BICRAL: variants seen among roughly 807,000 people sequenced by gnomAD.
BICRAL encodes the protein BRD4-interacting chromatin-remodeling complex-associated protein-like.
In BICRAL, 8 loss-of-function variants were observed where a neutral mutation model predicts 91.8. The ratio of observed to expected loss-of-function variants is 0.09; its 90% CI spans 0.05 to 0.16. The LOEUF (loss-of-function observed/expected upper bound fraction) is 0.16, where lower values mean the gene tolerates loss of function less well. Ranked by LOEUF, BICRAL falls within the 10% of genes least tolerant of loss-of-function variation. The pLI is 1.00. For synonymous variants in BICRAL, 445 were observed against 491.1 expected (o/e 0.91, Z 1.24); for missense variants, 1,038 against 1,310.9 (o/e 0.79, Z 3.21).
intron 6 of BICRAL, among the ~76,000 whole-genome samples, chr6:42,832,702 C>A (rs1298373581): frequency 6.6e-6 from 1 of 151,448 alleles, no homozygotes; most frequent in East Asian, 1.9e-4. Context: ...GAAATCTTTT[C>A]TCTCCCTTTG....
chr6:42,827,487 T>C lies in BICRAL; in HGVS notation c.160-1006T>C, dbSNP rs1255960817. On this transcript the variant is annotated intron_variant, in intron 5 of 12. Coordinates refer to ENST00000314073, the MANE Select transcript of BICRAL (RefSeq NM_001393499.1). ...TGATTTTTATTTAGCAACTGTCCTA[T>C]TTCCATGTGAGTATTAATTCTATCT... Among the ~76,000 whole-genome samples, 3 of 152,264 alleles carry C rather than the reference T, an allele frequency of 2.0e-5. No individual in the cohort carries two copies. In the East Asian group the frequency reaches 5.8e-4, roughly 29 times the overall value.
At chr6:42,802,534 C>T (rs540725100) in intron 1 of BICRAL, among the ~76,000 whole-genome samples, 2 of 152,018 alleles carry the variant, frequency 1.3e-5, no homozygotes, top group Admixed American at 6.6e-5. Flanking sequence ...CTGCAACCTC[C>T]GCCTCCTGGG....
intron 1 of BICRAL, among the ~76,000 whole-genome samples, chr6:42,792,299 A>G (rs1763297231): frequency 6.6e-6 from 1 of 152,058 alleles, no homozygotes; most frequent in East Asian, 1.9e-4. Flanking sequence ...CTGAGACAGT[A>G]TCTTGGTCAC....
chr6:42,750,429 G>T (rs1305940924), intron 1 of BICRAL, among the ~76,000 whole-genome samples: 7 of 151,202 alleles, frequency 4.6e-5, no homozygotes, highest in Non-Finnish European at 1.0e-4. Context: ...CCCTGGAAGT[G>T]CTGGGACTAC....
At chr6:42,762,551 T>G (rs10484911) in intron 1 of BICRAL, among the ~76,000 whole-genome samples, 39,531 of 152,134 alleles carry the variant, frequency 0.26, 5,543 homozygotes, top group African/African-American at 0.35. Context: ...CTTCACAAAG[T>G]CTAAGTATTT....
intron 1 of BICRAL, among the ~76,000 whole-genome samples, chr6:42,793,745 C>T (rs1355420098): frequency 1.3e-4 from 19 of 146,880 alleles, no homozygotes; most frequent in African/African-American, 4.5e-4. Flanking sequence ...TACTTCTATG[C>T]GTAGGCCTCA....
chr6:42,864,419 A>G (rs537576328), intron 12 of BICRAL, among the ~76,000 whole-genome samples: 5 of 152,206 alleles, frequency 3.3e-5, no homozygotes, highest in Admixed American at 3.3e-4. Flanking sequence ...GTCATCAAGC[A>G]TCTACCTTTT....
At chr6:42,823,251 G>A (rs1013496060) in intron 5 of BICRAL, among the ~76,000 whole-genome samples, 2 of 151,996 alleles carry the variant, frequency 1.3e-5, no homozygotes, top group Admixed American at 6.6e-5. Context: ...TCAGCCTCCC[G>A]AATAGCTGGG....
At chr6:42,799,996 C>T (rs1406146084) in intron 1 of BICRAL, among the ~76,000 whole-genome samples, 1 of 152,082 alleles carries the variant, frequency 6.6e-6, no homozygotes, top group Non-Finnish European at 1.5e-5. Flanking sequence ...TCTCCTGCCT[C>T]AGCTTCCCGA....
At chr6:42,842,890 G>T (rs1183075388) in intron 6 of BICRAL, among the ~76,000 whole-genome samples, 1 of 146,506 alleles carries the variant, frequency 6.8e-6, no homozygotes, top group African/African-American at 2.6e-5. Flanking sequence ...GTCTTGCTCT[G>T]TCACCCAGGC....
chr6:42,825,627 G>A (rs982114700), intron 5 of BICRAL, among the ~76,000 whole-genome samples: 5 of 151,966 alleles, frequency 3.3e-5, no homozygotes, highest in Admixed American at 2.0e-4. Flanking sequence ...CAGTCCTGCT[G>A]AGGCAGGATC....
chr6:42,788,809 A>G (rs1562461979), intron 1 of BICRAL, among the ~76,000 whole-genome samples: 1 of 152,214 alleles, frequency 6.6e-6, no homozygotes, highest in Admixed American at 6.5e-5. Context: ...AGGTAGTTTC[A>G]ATGCTGGGCA....
chr6:42,771,286 C>G (rs1024825572), intron 1 of BICRAL, among the ~76,000 whole-genome samples: 5 of 152,236 alleles, frequency 3.3e-5, no homozygotes, highest in Admixed American at 6.5e-5. Context: ...GCCGCTGCGC[C>G]CGTGCATCCG....
chr6:42,787,462 G>C (rs1464150867), intron 1 of BICRAL, among the ~76,000 whole-genome samples: 4 of 151,988 alleles, frequency 2.6e-5, no homozygotes, highest in Non-Finnish European at 5.9e-5. Context: ...GAGATTGTTT[G>C]TGGCCTTAAG....
intron 1 of BICRAL, among the ~76,000 whole-genome samples, chr6:42,753,683 C>T (rs1762416384): frequency 6.6e-6 from 1 of 152,156 alleles, no homozygotes; most frequent in South Asian, 2.1e-4. Context: ...ACGACCTTGG[C>T]TCAGTGCAAC....
rs377528199 is a variant in BICRAL at position 42,862,570 on chromosome 6, G to T, written c.2410G>T (p.Ala804Ser). The T allele has an allele frequency of 3.1e-6, 5 of 1,612,062 alleles. No individual in the cohort carries two copies. In the African/African-American group the frequency reaches 6.7e-5, roughly 22 times the overall value. The part of the protein sequence containing the change: ...IDRMFNQEER[A>S]SLSRDKRLAL... ...TAGGATGTTCAACCAGGAGGAAAGAGCTTCCCTGTCCCGAGACAAGCGTTT... is the reference window on the plus strand; with the variant it reads ...TAGGATGTTCAACCAGGAGGAAAGATCTTCCCTGTCCCGAGACAAGCGTTT... The change falls in exon 12 of 13, where the codon GCT (alanine) becomes TCT (serine). Residue 804 changes from alanine (A) to serine (S), a missense_variant. This residue lies in a region of BICRAL where 294 missense variants were observed against 292.6 expected (regional missense o/e 1.00). Transcript: ENST00000314073.
chr6:42,843,043 G>A (rs1277540415), intron 6 of BICRAL, among the ~76,000 whole-genome samples: 1 of 151,968 alleles, frequency 6.6e-6, no homozygotes, highest in Non-Finnish European at 1.5e-5. Flanking sequence ...TTTTAGTAGA[G>A]ACGGGGTTTT....
intron 1 of BICRAL, among the ~76,000 whole-genome samples, chr6:42,788,638 G>A (rs990098091): frequency 4.6e-5 from 7 of 152,184 alleles, no homozygotes; most frequent in African/African-American, 1.7e-4. Context: ...AGGTGAATTG[G>A]AGGTAGAATA....
At chr6:42,751,074 T>G (rs1343522378) in intron 1 of BICRAL, among the ~76,000 whole-genome samples, 1 of 151,492 alleles carries the variant, frequency 6.6e-6, no homozygotes, top group Non-Finnish European at 1.5e-5. Flanking sequence ...CCAGTTTCCT[T>G]TTTTTAAAGT....
Sources: allele counts gnomAD v4.1 joint callset (sites outside exome capture counted in the v4.1 genomes callset), GRCh38; gene constraint gnomAD v4.1.1; regional missense constraint gnomAD v4.1.1; transcripts MANE v1.5; gene names NCBI Gene and HGNC (gene_info 2026-07-23, HGNC 2026-07-21).